CTIF: variants seen among roughly 807,000 people sequenced by gnomAD.
The protein encoded by CTIF is CBP80/20-dependent translation initiation factor.
In CTIF, 21 loss-of-function variants were observed where a neutral mutation model predicts 66.0. The observed-to-expected ratio is 0.32, with a 90% CI of 0.23 to 0.46. The LOEUF (loss-of-function observed/expected upper bound fraction) is 0.46, where lower values mean the gene tolerates loss of function less well. Ranked by LOEUF, CTIF falls within the 20% of genes least tolerant of loss-of-function variation. The pLI is 1.00. For synonymous variants in CTIF, 345 were observed against 326.4 expected (o/e 1.06, Z -0.62); for missense variants, 739 against 812.7 (o/e 0.91, Z 1.10).
At chr18:48,616,216 G>A (rs1345076652) in intron 1 of CTIF, among the ~76,000 whole-genome samples, 2 of 152,254 alleles carry the variant, frequency 1.3e-5, no homozygotes, top group Non-Finnish European at 2.9e-5. Context: ...CGTCTTCCAG[G>A]AATAATGGGC....
intron 1 of CTIF, among the ~76,000 whole-genome samples, chr18:48,600,225 G>A (rs1021517961): frequency 1.3e-5 from 2 of 152,024 alleles, no homozygotes; most frequent in Admixed American, 6.6e-5. Context: ...GGGGAGCTGG[G>A]GCTGACACAG....
At chr18:48,611,016 A>T (rs1343533677) in intron 1 of CTIF, among the ~76,000 whole-genome samples, 1 of 152,226 alleles carries the variant, frequency 6.6e-6, no homozygotes, top group African/African-American at 2.4e-5. Flanking sequence ...GGTGACTCTC[A>T]GCAGGGGTCC....
intron 3 of CTIF, among the ~76,000 whole-genome samples, chr18:48,645,807 G>A (rs1019035205): frequency 2.6e-5 from 4 of 152,286 alleles, no homozygotes; most frequent in African/African-American, 7.2e-5. Flanking sequence ...TCCACCCAGC[G>A]GTGACAGCAA....
intron 10 of CTIF, among the ~76,000 whole-genome samples, chr18:48,840,967 T>C (rs1342473695): frequency 6.8e-6 from 1 of 147,934 alleles, no homozygotes; most frequent in African/African-American, 2.5e-5. Flanking sequence ...AAGATTATCA[T>C]GCAAAAAAGA....
intron 6 of CTIF, among the ~76,000 whole-genome samples, chr18:48,696,156 G>C (rs1025948818): frequency 1.3e-5 from 2 of 152,240 alleles, no homozygotes; most frequent in Non-Finnish European, 2.9e-5. Flanking sequence ...TGCAATTCTG[G>C]AGGTGAAGCT....
chr18:48,811,089 A>G (rs1438590965), intron 9 of CTIF, among the ~76,000 whole-genome samples: 2 of 152,164 alleles, frequency 1.3e-5, no homozygotes, highest in Non-Finnish European at 2.9e-5. Flanking sequence ...TGTGCTTTAC[A>G]GACTTCTATC....
intron 1 of CTIF, among the ~76,000 whole-genome samples, chr18:48,575,642 G>A (rs1417476765): frequency 6.6e-6 from 1 of 152,210 alleles, no homozygotes; most frequent in Non-Finnish European, 1.5e-5. Flanking sequence ...GGGGATGGAA[G>A]GTCCGTGGAG....
chr18:48,770,781 C>G (rs906050584), intron 9 of CTIF, among the ~76,000 whole-genome samples: 2 of 152,222 alleles, frequency 1.3e-5, no homozygotes, highest in African/African-American at 4.8e-5. Context: ...TCTCTGCACC[C>G]ACGTTTCCGT....
chr18:48,818,649 G>C (rs2068419525), intron 10 of CTIF, among the ~76,000 whole-genome samples: 1 of 152,106 alleles, frequency 6.6e-6, no homozygotes, highest in African/African-American at 2.4e-5. Flanking sequence ...AGAGAGTATA[G>C]ATGGAGAGGG....
At chr18:48,750,683 C>G (rs9952891) in intron 7 of CTIF, among the ~76,000 whole-genome samples, 12,207 of 152,266 alleles carry the variant, frequency 0.08, 1,496 homozygotes, top group African/African-American at 0.26. Flanking sequence ...CCAACCCTCC[C>G]ATCCAGAGCC....
intron 6 of CTIF, among the ~76,000 whole-genome samples, chr18:48,702,758 C>T (rs148070723): frequency 2.7e-4 from 41 of 152,252 alleles, no homozygotes; most frequent in African/African-American, 9.1e-4. Flanking sequence ...TGCCCACCCC[C>T]GACTTTCCTT....
chr18:48,723,192 C>A lies in CTIF; in HGVS notation c.584+11497C>A, dbSNP rs1004168428. Among the ~76,000 whole-genome samples the A allele has an allele frequency of 3.9e-5, 6 of 152,312 alleles. No homozygotes were observed. The South Asian group carries it at 1.0e-3, about 26-fold the overall frequency. On this transcript the variant is annotated intron_variant, in intron 7 of 11. Transcript: ENST00000256413. ...CTCAGCTTCCGTCTGCTGGGCCCCTCCCTGGCTGCCTCCTACATACTCCCC... is the reference window on the plus strand; with the variant it reads ...CTCAGCTTCCGTCTGCTGGGCCCCTACCTGGCTGCCTCCTACATACTCCCC...
intron 1 of CTIF, among the ~76,000 whole-genome samples, chr18:48,571,135 T>C (rs531738226): frequency 6.6e-6 from 1 of 152,328 alleles, no homozygotes; most frequent in Non-Finnish European, 1.5e-5. Flanking sequence ...CGTCTTGCCT[T>C]ATGCCCTCCT....
At chr18:48,635,327 CTTT>C (rs561455888) in intron 2 of CTIF, among the ~76,000 whole-genome samples, 10 of 113,362 alleles carry the variant, frequency 8.8e-5, no homozygotes, top group African/African-American at 3.0e-4. Flanking sequence ...CTTTTTCTTT[CTTT>C]TTTTTTTTTT....
At chr18:48,819,412 C>T (rs1338739011) in intron 10 of CTIF, among the ~76,000 whole-genome samples, 2 of 152,218 alleles carry the variant, frequency 1.3e-5, no homozygotes, top group Non-Finnish European at 2.9e-5. Flanking sequence ...AGGGCAGTGA[C>T]CTGAATTGCC....
chr18:48,770,995 T>C (rs918475538), intron 9 of CTIF, among the ~76,000 whole-genome samples: 20 of 151,000 alleles, frequency 1.3e-4, no homozygotes, highest in African/African-American at 9.7e-5. Context: ...CATTTCCATT[T>C]CCCCCCCCTA....
At position 48,863,133 on chromosome 18, in the gene CTIF, T is replaced by C. The variant is rs2069516676; in HGVS notation, c.*3574T>C. The C allele has an allele frequency of 1.3e-5, 2 of 152,170 alleles. No individual in the cohort carries two copies. Among genetic ancestry groups the C allele is most frequent in the South Asian group, 2.1e-4 (1 of 4,826 alleles). 9.4% of individuals were successfully genotyped at this position (152,170 alleles called of 1,614,324 possible). Reference sequence around the variant, plus strand: ...CGGAACCCCGCTAGTGCGACCACCCTCCCTCCGTCGGTATGTCCTGCTTTC... The same window carrying C: ...CGGAACCCCGCTAGTGCGACCACCCCCCCTCCGTCGGTATGTCCTGCTTTC... On this transcript the variant is annotated 3_prime_UTR_variant, in exon 12 of 12. Transcript: ENST00000256413.
chr18:48,708,884 G>A (rs2092192107), intron 6 of CTIF, among the ~76,000 whole-genome samples: 1 of 152,098 alleles, frequency 6.6e-6, no homozygotes, highest in Admixed American at 6.5e-5. Flanking sequence ...CTTTTCCAAG[G>A]CTGGGGGCTC....
chr18:48,569,014 C>T (rs1450690580), intron 1 of CTIF, among the ~76,000 whole-genome samples: 2 of 152,158 alleles, frequency 1.3e-5, no homozygotes, highest in Non-Finnish European at 1.5e-5. Flanking sequence ...TGCTGATGGT[C>T]ACCTTCTTGC....
Sources: gnomAD v4.1 joint callset for allele counts (sites outside exome capture counted in the v4.1 genomes callset) on GRCh38, gnomAD v4.1.1 for gene constraint, MANE v1.5 for transcripts, NCBI Gene and HGNC (gene_info 2026-07-23, HGNC 2026-07-21) for gene names.